The following PASK variants were observed in gnomAD, a reference collection of about 807,000 sequenced individuals.
The protein encoded by PASK is PAS domain-containing serine/threonine-protein kinase.
A neutral mutation model predicts 121.0 loss-of-function variants in PASK; 110 were observed. That is an observed-to-expected ratio of 0.91 (90% CI 0.78 to 1.06). The LOEUF (loss-of-function observed/expected upper bound fraction) is 1.06. Among genes scored for constraint, PASK ranks in the 50% least tolerant of loss-of-function variants. PASK has a pLI of 0.00. For synonymous variants in PASK, 686 were observed against 717.8 expected, an observed-to-expected ratio of 0.96 and a Z score of 0.71; for missense variants, 1,643 against 1,702.3, an observed-to-expected ratio of 0.97 and a Z score of 0.61.
At position 241,122,851 on chromosome 2, in the gene PASK, G is replaced by A. The variant is rs773654558; in HGVS notation, c.2953C>T (p.Leu985=). The A allele has an allele frequency of 3.2e-5, 51 of 1,614,092 alleles. No homozygotes were observed. The highest frequency in any genetic ancestry group is 3.8e-5 in the Non-Finnish European group (45 of 1,180,040). The stretch of plus-strand genomic sequence containing the variant: ...CCCTCACAGGCCGCCAACCCCTCCA[G>A]TTCCACAGCCTTGGGGGGCTCCTCA... The part of the protein sequence containing the change: ...WFEEPPKAVE[L]EGLAACEGEY... Residue 985 remains leucine (L), a synonymous_variant, in exon 12 of 18, where the codon CTG becomes TTG. Transcript: ENST00000234040.
In PASK at chr2:241,136,002, A is replaced by G. The variant is rs745587892; in HGVS notation, c.1175T>C (p.Met392Thr). The G allele has an allele frequency of 3.7e-6, 6 of 1,614,000 alleles. No individual in the cohort carries two copies. The highest frequency in any genetic ancestry group is 4.5e-5 in the East Asian group (2 of 44,896). The stretch of plus-strand genomic sequence containing the variant: ...TAATGAGCTGTTGTACGCAAGGTCC[A>G]TGTAGCTGTAGAAACCAGGAATCAG... The part of the protein sequence containing the change: ...TFLIPGFYSY[M>T]DLAYNSSLQL... Residue 392 changes from methionine (M) to threonine (T), a missense_variant, in exon 8 of 18, where the codon ATG becomes ACG. Around this residue, in one of 3 missense-constraint regions of PASK, gnomAD observed 1,176 missense variants for 1,162.2 expected, o/e 1.01. Coordinates refer to ENST00000234040, the MANE Select transcript of PASK (RefSeq NM_015148.4).
At chr2:241,136,976 G>C in intron 7 of PASK, 28 bp downstream of exon 7, 1 of 1,607,886 alleles carries the variant, frequency 6.2e-7, no homozygotes, top group Non-Finnish European at 8.5e-7. Context: ...CCCAGGGAAC[G>C]GGAGCCAGGC....
rs759154055 is a variant in PASK, at chr2:241,133,019, T to C, written c.1318A>G (p.Asn440Asp). The C allele has an allele frequency of 4.3e-6, 7 of 1,614,130 alleles. No individual in the cohort carries two copies. The highest frequency in any genetic ancestry group is 5.9e-6 in the Non-Finnish European group (7 of 1,179,992). ...ACGTGGCCACCAGCAAGCACGACAT[T>C]AATCCTTGGATCTGGCAGCAACACC... ...PAEGGQDPRI[N>D]VVLAGGHVVP... Residue 440 changes from asparagine (N) to aspartate (D), a missense_variant, in exon 9 of 18, where the codon AAT becomes GAT. By Grantham distance (23) the Asn-to-Asp change is conservative (BLOSUM62 1). Coordinates refer to ENST00000234040, the MANE Select transcript of PASK (RefSeq NM_015148.4).
rs772290145 is a variant in PASK at position 241,137,163 on chromosome 2, G to A, written c.978C>T (p.Thr326=). Reference sequence around the variant, plus strand: ...AGCCGCTCACAGGGGCCGCCTCACCGGTGGTCGCCTCCTCGCTGCTGGGTT... The same window carrying A: ...AGCCGCTCACAGGGGCCGCCTCACCAGTGGTCGCCTCCTCGCTGCTGGGTT... ...KSQPSSEEAT[T]GEAAPVSGYR... Residue 326 remains threonine (T), a synonymous_variant, in exon 7 of 18, where the codon ACC becomes ACT. Transcript: ENST00000234040. 113 of 1,612,678 alleles carry A rather than the reference G, an allele frequency of 7.0e-5. No homozygotes were observed. Among genetic ancestry groups the A allele is most frequent in the Middle Eastern group, 1.7e-4 (1 of 5,910 alleles).
At chr2:241,131,673 G>C (rs11683184) in intron 9 of PASK, among the ~76,000 whole-genome samples, 15 of 152,056 alleles carry the variant, frequency 9.9e-5, no homozygotes, top group African/African-American at 3.4e-4. Context: ...AGTGCAGGAA[G>C]GGACCCAGGG....
At chr2:241,138,845 G>T in intron 4 of PASK, 51 bp from the exon 5 acceptor site, 1 of 1,592,428 alleles carries the variant, frequency 6.3e-7, no homozygotes, top group Non-Finnish European at 8.6e-7. Flanking sequence ...CAAAAGACCA[G>T]TATGGGTGGG....
Position 241,106,566 on chromosome 2 carries a change from T to C in PASK, c.3972A>G (p.Ter1324=), listed in dbSNP as rs754425460. 1.2e-6 allele frequency: 2 copies of C among 1,614,026 alleles called. No individual in the cohort carries two copies. Among genetic ancestry groups the C allele is most frequent in the African/African-American group, 2.7e-5 (2 of 74,918 alleles). Residue 1324 remains the stop codon, a stop_retained_variant, in exon 18 of 18, where the codon TAA becomes TAG. Transcript: ENST00000234040. ...HPGDPRLLTS[*] ...GAGAAAAGCAGGAAGAAATTGGTGT[T>C]TAGCTGGTCAGCAGACGGGGATCCC...
Position 241,115,141 on chromosome 2 carries a change from G to A in PASK, c.3235C>T (p.Leu1079Phe). ...DIFENQGFFQ[L>F]VMEKHGSGLD... ...CCGGAGCCGTGCTTCTCCATCACAAGCTGGAAGAACCCTTGGTTTTCAAAT... is the reference window on the plus strand; with the variant it reads ...CCGGAGCCGTGCTTCTCCATCACAAACTGGAAGAACCCTTGGTTTTCAAAT... The change falls in exon 14 of 18, where the codon CTT (leucine) becomes TTT (phenylalanine). Residue 1079 changes from leucine to phenylalanine, a missense_variant. Leu to Phe is a conservative substitution (Grantham distance 22). This residue lies in a region of PASK where 453 missense variants were observed against 511.2 expected (regional missense o/e 0.89). Transcript: ENST00000234040. 1.2e-6 allele frequency: 2 copies of A among 1,614,070 alleles called. No individual in the cohort carries two copies. The highest frequency in any genetic ancestry group is 1.6e-4 in the Middle Eastern group (1 of 6,062).
At chr2:241,138,556 T>C in intron 5 of PASK, 98 bp downstream of exon 5, 1 of 1,425,014 alleles carries the variant, frequency 7.0e-7, no homozygotes, top group Non-Finnish European at 9.8e-7. Context: ...ATCCTCTCTT[T>C]CTTCCCAAAG....
chr2:241,140,050 C>G lies in PASK; in HGVS notation c.435G>C (p.Leu145=), dbSNP rs141463565. ...FTVDAKTTEI[L]VANDKACGLL... is the part of the protein sequence containing the mutation. ...GCCCGCAAGCTTTGTCGTTAGCAAC[C>G]AGGATCTGAGGAATCACAAAGAGGA... Residue 145 remains leucine (L), a synonymous_variant, in exon 4 of 18, where the codon CTG becomes CTC. Coordinates refer to ENST00000234040, the MANE Select transcript of PASK (RefSeq NM_015148.4). 598 of 1,613,790 alleles carry G rather than the reference C, an allele frequency of 3.7e-4. 4 individuals are homozygous for G. The African/African-American group carries it at 7.3e-3, about 20-fold the overall frequency.
intron 5 of PASK, among the ~76,000 whole-genome samples, chr2:241,138,378 C>A (rs2066540147): frequency 6.6e-6 from 1 of 152,250 alleles, no homozygotes; most frequent in Non-Finnish European, 1.5e-5. Flanking sequence ...CAGCTACTAT[C>A]CTGGGGGGTT....
In PASK at chr2:241,127,297, C is replaced by T. The variant is rs2065914163; in HGVS notation, c.1618G>A (p.Val540Met). The change falls in exon 10 of 18, where the codon GTG becomes ATG. Residue 540 changes from valine (V) to methionine (M), a missense_variant. By Grantham distance (21) the Val-to-Met change is conservative. Coordinates refer to ENST00000234040, the MANE Select transcript of PASK (RefSeq NM_015148.4). ...TCTTCGCAGGAAGCAAATGGCTTCA[C>T]ATCCACTGGTTCAGACCTGCTTTCT... Reference protein sequence around the residue: ...LGESRSEPVDVKPFASCEDSE... With the variant: ...LGESRSEPVDMKPFASCEDSE... The T allele has an allele frequency of 1.2e-6, 2 of 1,614,242 alleles. No individual in the cohort carries two copies. Among genetic ancestry groups the T allele is most frequent in the Non-Finnish European group, 1.7e-6 (2 of 1,180,040 alleles).
At chr2:241,142,295 C>A (rs1213638594) in intron 2 of PASK, among the ~76,000 whole-genome samples, 1 of 152,222 alleles carries the variant, frequency 6.6e-6, no homozygotes, top group Non-Finnish European at 1.5e-5. Context: ...AGCCTGCTGT[C>A]TCCCCAAGTG....
chr2:241,122,807 G>A lies in PASK; in HGVS notation c.2997C>T (p.Tyr999=). ...AACEGEYSQK[Y]STMSPLGSGA... is the part of the protein sequence containing the mutation. Reference sequence around the variant, plus strand: ...CACTGCCCAGCGGGCTCATGGTACTGTACTTTTGGGAGTACTCGCCCTCAC... The same window carrying A: ...CACTGCCCAGCGGGCTCATGGTACTATACTTTTGGGAGTACTCGCCCTCAC... The change falls in exon 12 of 18, where the codon TAC becomes TAT. Residue 999 remains tyrosine, a synonymous_variant. Transcript: ENST00000234040. The A allele has an allele frequency of 6.2e-7, 1 of 1,614,160 alleles. No homozygotes were observed. The highest frequency in any genetic ancestry group is 1.3e-5 in the African/African-American group (1 of 75,062).
At chr2:241,122,202 T>A (rs182222170) in intron 12 of PASK, among the ~76,000 whole-genome samples, 1 of 149,904 alleles carries the variant, frequency 6.7e-6, no homozygotes, top group African/African-American at 2.5e-5. Context: ...CTTAGGAAAA[T>A]AGAAGAAGAA....
intron 9 of PASK, among the ~76,000 whole-genome samples, chr2:241,132,390 C>T (rs367613518): frequency 6.6e-6 from 1 of 151,620 alleles, no homozygotes; most frequent in Non-Finnish European, 1.5e-5. Context: ...GTGGCGGGCG[C>T]CTGTAGTCCC....
Position 241,142,244 on chromosome 2 carries a change from C to T in PASK, c.196+593G>A, listed in dbSNP as rs532045188. On this transcript the variant is annotated intron_variant, in intron 2 of 17. Transcript: ENST00000234040. Reference sequence around the variant, plus strand: ...CACCATTTCCCGCAGCTCTATGCCCCACTTCCCCATTTTCCAGGTCTACCC... The same window carrying T: ...CACCATTTCCCGCAGCTCTATGCCCTACTTCCCCATTTTCCAGGTCTACCC... Among the ~76,000 whole-genome samples the T allele has an allele frequency of 7.5e-4, 114 of 152,310 alleles. 2 individuals are homozygous for T. The South Asian group carries it at 0.023, about 31-fold the overall frequency.
chr2:241,135,704 G>A (rs1038886611), intron 8 of PASK, among the ~76,000 whole-genome samples, 167 bp downstream of exon 8: 4 of 150,250 alleles, frequency 2.7e-5, no homozygotes, highest in Admixed American at 2.7e-4. Context: ...CCCCGAGACA[G>A]AGAGGAACAT....
intron 12 of PASK, chr2:241,118,934 C>A: frequency 9.7e-7 from 1 of 1,035,286 alleles, no homozygotes; most frequent in Admixed American, 5.0e-5. Flanking sequence ...CCCAGCACCC[C>A]AGTGAGTAAG....
Sources: allele counts gnomAD v4.1 joint callset (sites outside exome capture counted in the v4.1 genomes callset), GRCh38; gene constraint gnomAD v4.1.1; regional missense constraint gnomAD v4.1.1; transcripts MANE v1.5; gene names NCBI Gene and HGNC (gene_info 2026-07-23, HGNC 2026-07-21).